PCYT1B: variants seen among roughly 807,000 people sequenced by gnomAD.
The protein encoded by PCYT1B is phosphate cytidylyltransferase 1B, choline, also known as choline-phosphate cytidylyltransferase B.
A neutral mutation model predicts 26.4 loss-of-function variants in PCYT1B; 10 were observed. The ratio of observed to expected loss-of-function variants is 0.38; its 90% confidence interval spans 0.23 to 0.64. The LOEUF (loss-of-function observed/expected upper bound fraction) is 0.64. Among genes scored for constraint, PCYT1B ranks in the 30% least tolerant of loss-of-function variants. The pLI is 0.56. For synonymous variants in PCYT1B, 131 were observed against 108.4 expected (o/e 1.21, Z -1.29); for missense variants, 161 against 292.7 (o/e 0.55, Z 3.28).
At chrX:24,625,311 T>C (rs1403939240) in intron 1 of PCYT1B, among the ~76,000 whole-genome samples, 1 of 112,330 alleles carries the variant, frequency 8.9e-6, no homozygotes, top group Non-Finnish European at 1.9e-5. Flanking sequence ...TATATTTACT[T>C]GTTTCTGAAC....
rs1923425208 is a variant in PCYT1B at position 24,561,778 on chromosome X, G to A, written c.*515C>T. On this transcript the variant is annotated 3_prime_UTR_variant, in exon 8 of 8. Transcript: ENST00000379144. ...ATGCGTTCCAACATCAGGTCTCAGT[G>A]GCTGGACTGAGGAGGTTGGAATCTG... 6 of 310,495 alleles carry A rather than the reference G, an allele frequency of 1.9e-5. No homozygotes were observed. Among genetic ancestry groups the A allele is most frequent in the Non-Finnish European group, 3.4e-5 (6 of 175,929 alleles). 25.6% of individuals were successfully genotyped at this position (310,495 alleles called of 1,213,427 possible).
At chrX:24,590,269 A>C in intron 3 of PCYT1B, 95 bp from the exon 4 acceptor site, 1 of 751,090 alleles carries the variant, frequency 1.3e-6, no homozygotes, top group South Asian at 3.2e-5. Flanking sequence ...AGGACAAAAG[A>C]AGCACAGCCT....
At chrX:24,663,089 A>G (rs146007111) in intron 1 of PCYT1B, among the ~76,000 whole-genome samples, 7,523 of 111,967 alleles carry the variant, frequency 0.067, 457 homozygotes, top group African/African-American at 0.2. Context: ...GGTGGCAAGT[A>G]CATGAACAGT....
intron 3 of PCYT1B, among the ~76,000 whole-genome samples, chrX:24,607,450 A>C (rs1043077664): frequency 2.7e-5 from 3 of 112,611 alleles, no homozygotes; most frequent in African/African-American, 9.7e-5. Context: ...AATTTGGATC[A>C]AGCCTTAAAC....
chrX:24,572,735 G>T (rs939716968), intron 7 of PCYT1B, among the ~76,000 whole-genome samples: 1 of 110,130 alleles, frequency 9.1e-6, no homozygotes, highest in Admixed American at 9.8e-5. Flanking sequence ...TAAATTAATG[G>T]TAATAACAGT....
chrX:24,579,361 G>T lies in PCYT1B; in HGVS notation c.663C>A (p.Leu221=). The change falls in exon 6 of 8, where the codon CTC becomes CTA. Residue 221 remains leucine (L), a synonymous_variant. Transcript: ENST00000379144. ...RDYDVYARRN[L]QRGYTAKELN... is the part of the protein sequence containing the mutation. ...GTTCCTTGGCTGTATACCCTCTCTG[G>T]AGGTTACGTCGGGCATAAACATCAT... 2 of 1,209,769 alleles carry T rather than the reference G, an allele frequency of 1.7e-6. No individual in the cohort carries two copies. The highest frequency in any genetic ancestry group is 2.2e-6 in the Non-Finnish European group (2 of 893,981).
intron 6 of PCYT1B, among the ~76,000 whole-genome samples, chrX:24,578,133 A>G (rs1015749755): frequency 9.0e-6 from 1 of 111,607 alleles, no homozygotes; most frequent in African/African-American, 3.3e-5. Context: ...TGTGGCACAT[A>G]TACACCATGG....
chrX:24,629,558 T>TAAAA (rs1925982972), intron 1 of PCYT1B, among the ~76,000 whole-genome samples: 1 of 4,667 alleles, frequency 2.1e-4, no homozygotes, highest in African/African-American at 4.4e-4. Flanking sequence ...AGACCCTGTC[T>TAAAA]CAAAAAAAAA....
At chrX:24,607,902 G>T in intron 2 of PCYT1B, 41 bp from the exon 3 acceptor site, 1 of 748,150 alleles carries the variant, frequency 1.3e-6, no homozygotes, top group Non-Finnish European at 2.0e-6. Context: ...ACTGCAGAAT[G>T]AGGAATCCCA....
At chrX:24,661,374 G>C (rs1333404715) in intron 1 of PCYT1B, among the ~76,000 whole-genome samples, 4 of 112,186 alleles carry the variant, frequency 3.6e-5, no homozygotes, top group African/African-American at 1.3e-4. Context: ...AGGTAAGATG[G>C]TAATGAATTA....
At chrX:24,597,386 T>A (rs778330345) in intron 3 of PCYT1B, among the ~76,000 whole-genome samples, 1 of 111,985 alleles carries the variant, frequency 8.9e-6, no homozygotes, top group African/African-American at 3.2e-5. Flanking sequence ...CCTCCCAAAG[T>A]GCTGGGATTA....
At chrX:24,583,712 A>G (rs913760836) in intron 5 of PCYT1B, among the ~76,000 whole-genome samples, 1 of 111,975 alleles carries the variant, frequency 8.9e-6, no homozygotes. Flanking sequence ...CCTATACACT[A>G]TAAGGTAGCC....
intron 1 of PCYT1B, among the ~76,000 whole-genome samples, chrX:24,646,108 G>A (rs1983703452): frequency 9.0e-6 from 1 of 111,707 alleles, no homozygotes; most frequent in Non-Finnish European, 1.9e-5. Flanking sequence ...TCAAAGAGAG[G>A]TCTCCCCAAG....
intron 1 of PCYT1B, among the ~76,000 whole-genome samples, chrX:24,654,084 T>TTTTCTTTC (rs1178544212): frequency 2.6e-5 from 2 of 77,473 alleles, no homozygotes; most frequent in African/African-American, 1.0e-4. Context: ...TCCACGTTTC[T>TTTTCTTTC]TTTCTTTCTT....
chrX:24,632,883 T>A (rs144619605), intron 1 of PCYT1B, among the ~76,000 whole-genome samples: 1,960 of 111,487 alleles, frequency 0.018, 45 homozygotes, highest in African/African-American at 0.061. Flanking sequence ...AGGATGATTA[T>A]AGTTAACAAC....
chrX:24,596,312 C>A (rs1924777004), intron 3 of PCYT1B, among the ~76,000 whole-genome samples: 1 of 111,665 alleles, frequency 9.0e-6, no homozygotes, highest in Non-Finnish European at 1.9e-5. Context: ...AGGTATTGGG[C>A]CAGGTGCGGT....
At chrX:24,596,762 C>T (rs1924795285) in intron 3 of PCYT1B, among the ~76,000 whole-genome samples, 1 of 111,286 alleles carries the variant, frequency 9.0e-6, no homozygotes, top group African/African-American at 3.3e-5. Context: ...CTACCAAATA[C>T]TTGTCCCCAT....
chrX:24,607,838 C>T lies in PCYT1B; in HGVS notation c.241G>A (p.Ala81Thr), dbSNP rs984666694. The change falls in exon 3 of 8, where the codon GCC becomes ACC. Residue 81 changes from alanine to threonine, a missense_variant. Around this residue, in one of 4 missense-constraint regions of PCYT1B, gnomAD observed 65 missense variants for 145.0 expected, o/e 0.45. Coordinates refer to ENST00000379144, the MANE Select transcript of PCYT1B (RefSeq NM_004845.5). Reference protein sequence around the residue: ...TPADRPVRVYADGIFDLFHSG... With the variant: ...TPADRPVRVYTDGIFDLFHSG... Reference sequence around the variant, plus strand: ...TGGAAGAGGTCAAATATTCCATCGGCGTATACTCTGACAGGCCTGTCAGCT... The same window carrying T: ...TGGAAGAGGTCAAATATTCCATCGGTGTATACTCTGACAGGCCTGTCAGCT... 2 of 1,182,825 alleles carry T rather than the reference C, an allele frequency of 1.7e-6. No homozygotes were observed. Among genetic ancestry groups the T allele is most frequent in the South Asian group, 1.8e-5 (1 of 54,545 alleles).
intron 7 of PCYT1B, among the ~76,000 whole-genome samples, chrX:24,567,780 C>T (rs1923681692): frequency 9.0e-6 from 1 of 110,499 alleles, no homozygotes; most frequent in African/African-American, 3.3e-5. Context: ...GAAACCCTGT[C>T]TCTACTAAAA....
Sources: allele counts gnomAD v4.1 joint callset (sites outside exome capture counted in the v4.1 genomes callset), GRCh38; gene constraint gnomAD v4.1.1; regional missense constraint gnomAD v4.1.1; transcripts MANE v1.5; gene names NCBI Gene and HGNC (gene_info 2026-07-23, HGNC 2026-07-21).